Variants in CACNB2 observed in about 807,000 individuals in gnomAD.
The protein encoded by CACNB2 is voltage-dependent L-type calcium channel subunit beta-2.
In CACNB2, 42 loss-of-function variants were observed where a neutral mutation model predicts 73.3. That is an observed-to-expected ratio of 0.57 (90% CI 0.45 to 0.74). The LOEUF is 0.74. Among genes scored for constraint, CACNB2 ranks in the 30% least tolerant of loss-of-function variants. CACNB2 has a pLI of 0.00. For missense variants in CACNB2, 940 were observed against 853.0 expected (o/e 1.10, Z -1.27); for synonymous variants, 348 against 310.3 (o/e 1.12, Z -1.28).
chr10:18,222,881 G>A (rs1450551486), intron 2 of CACNB2, among the ~76,000 whole-genome samples: 1 of 152,208 alleles, frequency 6.6e-6, no homozygotes, highest in African/African-American at 2.4e-5. Context: ...AGGTTGCAGT[G>A]AGCTGAGATT....
intron 2 of CACNB2, among the ~76,000 whole-genome samples, chr10:18,344,808 T>G (rs2041380310): frequency 6.6e-6 from 1 of 152,138 alleles, no homozygotes; most frequent in Non-Finnish European, 1.5e-5. Context: ...AGAAGAAATA[T>G]TAAAGGAATG....
chr10:18,461,757 G>A (rs2047589713), intron 3 of CACNB2, among the ~76,000 whole-genome samples: 1 of 132,292 alleles, frequency 7.6e-6, no homozygotes, highest in Admixed American at 8.3e-5. Flanking sequence ...TAGGCATTTC[G>A]ATAAAGCTTT....
chr10:18,539,033 C>A lies in CACNB2; in HGVS notation c.1489-197C>A, dbSNP rs140646827. Among the ~76,000 whole-genome samples, 419 of 151,600 alleles carry A rather than the reference C, an allele frequency of 2.8e-3. 3 individuals are homozygous for A. Among genetic ancestry groups the A allele is most frequent in the African/African-American group, 9.1e-3 (375 of 41,320 alleles). ...CCATGGGCACTGTTCTAGGCACTTA[C>A]AAAAGTCCAATTTAATATAGTATAG... is the stretch of plus-strand genomic sequence containing the variant. On this transcript the variant is annotated intron_variant, in intron 13 of 13. Transcript: ENST00000324631.
intron 2 of CACNB2, among the ~76,000 whole-genome samples, chr10:18,243,407 C>T (rs776345087): frequency 5.3e-5 from 8 of 152,178 alleles, no homozygotes; most frequent in African/African-American, 1.2e-4. Context: ...ATCATGCTCA[C>T]GACTATGGAA....
At chr10:18,374,123 C>T (rs2042697479) in intron 2 of CACNB2, among the ~76,000 whole-genome samples, 1 of 152,112 alleles carries the variant, frequency 6.6e-6, no homozygotes, top group African/African-American at 2.4e-5. Context: ...ACATAAAGTA[C>T]TGTTTTGATT....
At chr10:18,304,671 A>G (rs1267795926) in intron 2 of CACNB2, among the ~76,000 whole-genome samples, 2 of 152,348 alleles carry the variant, frequency 1.3e-5, no homozygotes, top group Admixed American at 6.5e-5. Flanking sequence ...GCCGCTGCAC[A>G]GGCGATCATC....
intron 11 of CACNB2, among the ~76,000 whole-genome samples, chr10:18,534,983 A>T (rs1735705398): frequency 1.3e-5 from 2 of 152,332 alleles, no homozygotes; most frequent in South Asian, 4.1e-4. Flanking sequence ...GACAACAATC[A>T]GAATTTTAGA....
chr10:18,330,813 C>T (rs1173187801), intron 2 of CACNB2, among the ~76,000 whole-genome samples: 1 of 151,426 alleles, frequency 6.6e-6, no homozygotes, highest in Non-Finnish European at 1.5e-5. Flanking sequence ...AGATTACAGG[C>T]CCCCGCCACC....
chr10:18,518,052 C>A (rs2133157324), intron 7 of CACNB2, among the ~76,000 whole-genome samples: 1 of 152,266 alleles, frequency 6.6e-6, no homozygotes, highest in East Asian at 1.9e-4. Flanking sequence ...GTTCTGTCAA[C>A]TAGTTTTTGT....
chr10:18,330,290 T>C (rs1162612149), intron 2 of CACNB2, among the ~76,000 whole-genome samples: 1 of 152,260 alleles, frequency 6.6e-6, no homozygotes, highest in Non-Finnish European at 1.5e-5. Context: ...TTATGTAATC[T>C]AGTGTGAATA....
intron 10 of CACNB2, among the ~76,000 whole-genome samples, chr10:18,530,521 A>AC (rs1260921884): frequency 6.6e-6 from 1 of 151,784 alleles, no homozygotes; most frequent in Non-Finnish European, 1.5e-5. Context: ...TGCAAAAAAA[A>AC]AAAAAAAATG....
chr10:18,415,369 G>A (rs1398498711), intron 3 of CACNB2, among the ~76,000 whole-genome samples: 2 of 151,904 alleles, frequency 1.3e-5, no homozygotes, highest in African/African-American at 2.4e-5. Context: ...AGAAGGCTGA[G>A]GCAGGAGGAT....
At chr10:18,452,626 C>T (rs752375785) in intron 3 of CACNB2, among the ~76,000 whole-genome samples, 31 of 152,160 alleles carry the variant, frequency 2.0e-4, no homozygotes, top group Non-Finnish European at 3.7e-4. Flanking sequence ...TCCCCTGTCA[C>T]CTCAAACTCC....
At chr10:18,410,330 A>G (rs59779524) in intron 3 of CACNB2, among the ~76,000 whole-genome samples, 10,025 of 152,222 alleles carry the variant, frequency 0.066, 877 homozygotes, top group African/African-American at 0.19. Context: ...AGTTCAGTTG[A>G]CCATGTTTTG....
chr10:18,372,798 T>C (rs919294018), intron 2 of CACNB2, among the ~76,000 whole-genome samples: 1 of 152,194 alleles, frequency 6.6e-6, no homozygotes, highest in Admixed American at 6.5e-5. Context: ...ACTGTCTTCA[T>C]CTTAAGTTGC....
intron 2 of CACNB2, among the ~76,000 whole-genome samples, chr10:18,382,099 G>T (rs144044269): frequency 6.6e-6 from 1 of 152,126 alleles, no homozygotes; most frequent in Non-Finnish European, 1.5e-5. Context: ...GACCTCTGAT[G>T]TTCATGTGTG....
chr10:18,276,397 C>T (rs1362624626), intron 2 of CACNB2, among the ~76,000 whole-genome samples: 1 of 152,150 alleles, frequency 6.6e-6, no homozygotes, highest in Admixed American at 6.5e-5. Context: ...ACCCCACAAA[C>T]AAGCAGCCAA....
chr10:18,473,291 G>C (rs932820769), intron 3 of CACNB2, among the ~76,000 whole-genome samples: 4 of 152,132 alleles, frequency 2.6e-5, no homozygotes. Context: ...GTTTTGGATA[G>C]GAGTATTTCA....
intron 2 of CACNB2, among the ~76,000 whole-genome samples, chr10:18,229,302 C>T (rs2036136142): frequency 6.6e-6 from 1 of 152,100 alleles, no homozygotes; most frequent in Non-Finnish European, 1.5e-5. Flanking sequence ...AAACAAGAAT[C>T]GTTATTCCCA....
Sources: gnomAD v4.1 joint callset for allele counts (sites outside exome capture counted in the v4.1 genomes callset) on GRCh38, gnomAD v4.1.1 for gene constraint, MANE v1.5 for transcripts, NCBI Gene and HGNC (gene_info 2026-07-23, HGNC 2026-07-21) for gene names.